The following CRACD variants were observed in gnomAD, a reference collection of about 807,000 sequenced individuals.
CRACD encodes capping protein-inhibiting regulator of actin dynamics.
CRACD carries 56 observed loss-of-function variants against 106.8 expected under a neutral mutation model. The ratio of observed to expected loss-of-function variants is 0.52; its 90% CI spans 0.42 to 0.66. The LOEUF (loss-of-function observed/expected upper bound fraction) is 0.66, where lower values mean the gene tolerates loss of function less well. Ranked by LOEUF, CRACD falls within the 30% of genes least tolerant of loss-of-function variation. CRACD has a pLI of 0.00. For synonymous variants in CRACD, 754 were observed against 670.8 expected, an observed-to-expected ratio of 1.12 and a Z score of -1.92; for missense variants, 1,730 against 1,623.2, an observed-to-expected ratio of 1.07 and a Z score of -1.13.
At position 56,177,229 on chromosome 4, in the gene CRACD, G is replaced by A. The variant is rs1010504345; in HGVS notation, c.-335-2055G>A. On this transcript the variant is annotated intron_variant, in intron 1 of 10. Coordinates refer to ENST00000682029, the MANE Select transcript of CRACD (RefSeq NM_001393381.1). ...CATACACGGACTTTATTGTCTTGAG[G>A]TATGTTCCTTTTATACCCAGTTTCT... is the stretch of plus-strand genomic sequence containing the variant. 4.6e-5 allele frequency among the ~76,000 whole-genome samples: 7 copies of A among 152,098 alleles called. No individual in the cohort carries two copies. The East Asian group carries it at 1.2e-3, about 25-fold the overall frequency.
chr4:56,271,283 C>T (rs1015603714), intron 2 of CRACD, among the ~76,000 whole-genome samples: 1 of 152,004 alleles, frequency 6.6e-6, no homozygotes, highest in Admixed American at 6.6e-5. Context: ...TATCCAAAGG[C>T]GGAGGACTGA....
chr4:56,272,100 C>A (rs987889568), intron 2 of CRACD, among the ~76,000 whole-genome samples: 1 of 152,190 alleles, frequency 6.6e-6, no homozygotes, highest in Admixed American at 6.5e-5. Flanking sequence ...GGGGGACAGA[C>A]GATTCACCAT....
At chr4:56,156,625 C>G (rs888441987) in intron 1 of CRACD, among the ~76,000 whole-genome samples, 1 of 152,182 alleles carries the variant, frequency 6.6e-6, no homozygotes, top group East Asian at 1.9e-4. Context: ...TTTCTGTCCT[C>G]CTCTCTTCAT....
At chr4:56,214,681 C>CTCTCTATATATATATATATATATA in intron 2 of CRACD, among the ~76,000 whole-genome samples, 5 of 80,962 alleles carry the variant, frequency 6.2e-5, no homozygotes, top group African/African-American at 1.7e-4. Flanking sequence ...CTCTCTCTCT[C>CTCTCTATATATATATATATATATA]TATATATATA....
chr4:56,318,157 ATTGT>A lies in CRACD; in HGVS notation c.3187+1471_3187+1474del, dbSNP rs373492890. 1.3e-4 allele frequency among the ~76,000 whole-genome samples: 19 copies of A among 151,836 alleles called. No homozygotes were observed. The East Asian group carries it at 2.9e-3, about 23-fold the overall frequency. On this transcript the variant is annotated intron_variant, in intron 8 of 10. Coordinates refer to ENST00000682029, the MANE Select transcript of CRACD (RefSeq NM_001393381.1). ...ACCCCATATATCCTTATTTTATTTT[ATTGT>A]TTATTATTGTTAGTATCTAGAGACA...
intron 2 of CRACD, among the ~76,000 whole-genome samples, chr4:56,213,189 A>G (rs947770320): frequency 1.3e-5 from 2 of 152,198 alleles, no homozygotes; most frequent in Non-Finnish European, 2.9e-5. Context: ...GGTCACACCT[A>G]TAATCCCAGC....
chr4:56,286,354 CT>C (rs1176919225), intron 3 of CRACD, among the ~76,000 whole-genome samples: 3 of 150,130 alleles, frequency 2.0e-5, no homozygotes, highest in Non-Finnish European at 3.0e-5. Context: ...GATTGTGCCA[CT>C]GTATTGCAGC....
intron 2 of CRACD, among the ~76,000 whole-genome samples, chr4:56,185,516 A>AT (rs1012507199): frequency 2.6e-5 from 4 of 151,966 alleles, no homozygotes; most frequent in African/African-American, 9.7e-5. Flanking sequence ...CCAATCATTT[A>AT]TTTTTTCAAT....
chr4:56,084,875 T>G (rs900734269), intron 1 of CRACD, among the ~76,000 whole-genome samples: 9 of 152,190 alleles, frequency 5.9e-5, no homozygotes, highest in Non-Finnish European at 1.3e-4. Context: ...GATTAGGACA[T>G]ATAACTTCAT....
chr4:56,076,883 A>G (rs1256681080), intron 1 of CRACD, among the ~76,000 whole-genome samples: 2 of 152,322 alleles, frequency 1.3e-5, no homozygotes, highest in South Asian at 2.1e-4. Context: ...GACAAATAAT[A>G]TCATATAGCT....
chr4:56,055,225 G>A (rs1577933154), intron 1 of CRACD, among the ~76,000 whole-genome samples: 1 of 151,892 alleles, frequency 6.6e-6, no homozygotes, highest in African/African-American at 2.4e-5. Context: ...ACCTGGGGAG[G>A]GATTGGCTGG....
intron 2 of CRACD, among the ~76,000 whole-genome samples, chr4:56,265,586 T>C (rs756030208): frequency 6.6e-5 from 10 of 152,176 alleles, no homozygotes; most frequent in Admixed American, 1.3e-4. Context: ...CATCTGAGGC[T>C]GAAATTCCAA....
At chr4:56,196,211 A>G (rs1348927353) in intron 2 of CRACD, 1 of 152,528 alleles carries the variant, frequency 6.6e-6, no homozygotes, top group East Asian at 1.9e-4. Context: ...TGTGATGACC[A>G]TGATGAAAGG....
intron 2 of CRACD, among the ~76,000 whole-genome samples, chr4:56,210,553 C>T (rs893522670): frequency 1.3e-5 from 2 of 152,180 alleles, no homozygotes; most frequent in Admixed American, 6.5e-5. Flanking sequence ...AGAGAGGACA[C>T]AGGCAAAACA....
intron 1 of CRACD, among the ~76,000 whole-genome samples, chr4:56,098,822 G>A (rs551133825): frequency 2.6e-5 from 4 of 152,208 alleles, no homozygotes; most frequent in Admixed American, 2.6e-4. Context: ...CTCCAGGTGT[G>A]CACCACCACG....
At chr4:56,133,875 G>C (rs13116600) in intron 1 of CRACD, among the ~76,000 whole-genome samples, 3,626 of 152,206 alleles carry the variant, frequency 0.024, 73 homozygotes, top group South Asian at 0.039. Context: ...TGATTAATCA[G>C]GGCCTCAGGA....
chr4:56,180,112 T>C (rs1736750009), intron 2 of CRACD, among the ~76,000 whole-genome samples: 1 of 152,140 alleles, frequency 6.6e-6, no homozygotes, highest in African/African-American at 2.4e-5. Flanking sequence ...TTTTGAGCCA[T>C]AGAGCTTGGT....
intron 8 of CRACD, 65 bp downstream of exon 8, chr4:56,316,754 G>T (rs989896567): frequency 6.6e-7 from 1 of 1,508,598 alleles, no homozygotes; most frequent in African/African-American, 1.4e-5. Context: ...ATCAAGAAGA[G>T]ATCCACACGC....
intron 1 of CRACD, among the ~76,000 whole-genome samples, chr4:56,062,592 G>T (rs1732315882): frequency 6.6e-6 from 1 of 152,158 alleles, no homozygotes; most frequent in Non-Finnish European, 1.5e-5. Context: ...CTGATTTCCT[G>T]CAAATTCTGT....
Sources: gnomAD v4.1 joint callset for allele counts (sites outside exome capture counted in the v4.1 genomes callset) on GRCh38, gnomAD v4.1.1 for gene constraint, MANE v1.5 for transcripts, NCBI Gene and HGNC (gene_info 2026-07-23, HGNC 2026-07-21) for gene names.